The following IGSF3 variants were observed in gnomAD, a reference collection of about 807,000 sequenced individuals.
The protein encoded by IGSF3 is glu-Trp-Ile EWI motif-containing protein 3.
Under a neutral mutation model 114.4 loss-of-function variants are expected in IGSF3, and 23 were observed. That is an observed-to-expected ratio of 0.20 (90% confidence interval 0.14 to 0.28). IGSF3 has a LOEUF of 0.28. Ranked by LOEUF, IGSF3 falls within the 10% of genes least tolerant of loss-of-function variation. IGSF3 has a pLI of 1.00. For synonymous variants in IGSF3, 571 were observed against 645.2 expected (o/e 0.88, Z 1.74); for missense variants, 1,172 against 1,591.5 (o/e 0.74, Z 4.48).
At chr1:116,591,337 T>G (rs1660102290) in intron 7 of IGSF3, among the ~76,000 whole-genome samples, 1 of 152,142 alleles carries the variant, frequency 6.6e-6, no homozygotes, top group African/African-American at 2.4e-5. Context: ...ATCTGGTTCT[T>G]GGCCAAAAAA....
At chr1:116,604,225 A>G (rs1193507594) in intron 5 of IGSF3, among the ~76,000 whole-genome samples, 200 bp from the exon 6 acceptor site, 7 of 152,134 alleles carry the variant, frequency 4.6e-5, no homozygotes, top group Admixed American at 4.6e-4. Context: ...AGATCTGATA[A>G]TCTAGGATGT....
At chr1:116,581,867 C>T (rs1557854592) in intron 9 of IGSF3, among the ~76,000 whole-genome samples, 1 of 152,128 alleles carries the variant, frequency 6.6e-6, no homozygotes, top group Non-Finnish European at 1.5e-5. Flanking sequence ...CCAAGGGGAG[C>T]CCCCCACCCC....
intron 8 of IGSF3, among the ~76,000 whole-genome samples, chr1:116,586,057 C>A (rs1320392591): frequency 6.6e-6 from 1 of 152,100 alleles, no homozygotes; most frequent in Non-Finnish European, 1.5e-5. Flanking sequence ...TCTATCAGGA[C>A]CAGAGGTATC....
rs1659377925 is a variant in IGSF3, at chr1:116,577,106, A to G, written c.*206T>C. 1.7e-6 allele frequency: 1 copy of G among 583,166 alleles called. No homozygotes were observed. The highest frequency in any genetic ancestry group is 3.1e-5 in the Admixed American group (1 of 32,522). 36.1% of individuals were successfully genotyped at this position (583,166 alleles called of 1,614,324 possible). A position where few individuals can be genotyped will look rare whatever the true frequency, so the allele number is the denominator to read the frequency against. On this transcript the variant is annotated 3_prime_UTR_variant, in exon 11 of 11. Coordinates refer to ENST00000369486, the MANE Select transcript of IGSF3 (RefSeq NM_001007237.3). The surrounding 1 kb of genome is among the most constrained non-coding windows in gnomAD (Gnocchi z 5.7). ...AAATCTATAATGGCAGGATCACAAC[A>G]TTTGCGCGCAAATAGCTAACCAACC...
rs1295939334 is a variant in IGSF3, at chr1:116,656,037, T to C, written c.43+10247A>G. On this transcript the variant is annotated intron_variant, in intron 2 of 10. Transcript: ENST00000369486. Reference sequence around the variant, plus strand: ...CACAAATTACAGCTTCAACCAGCTATAAAATAACCAAATCAGTTCTGATAT... The same window carrying C: ...CACAAATTACAGCTTCAACCAGCTACAAAATAACCAAATCAGTTCTGATAT... 2.0e-5 allele frequency among the ~76,000 whole-genome samples: 3 copies of C among 152,226 alleles called. No individual in the cohort carries two copies. The East Asian group carries it at 5.8e-4, about 29-fold the overall frequency.
chr1:116,588,998 G>A lies in IGSF3; in HGVS notation c.2136C>T (p.His712=), dbSNP rs377691542. 1.2e-5 allele frequency: 20 copies of A among 1,614,108 alleles called. No individual in the cohort carries two copies. The African/African-American group carries it at 1.5e-4, about 12-fold the overall frequency. ...SVKSQTSQNS[H]FAVLWYVHKP... is the part of the protein sequence containing the mutation. ...TGTGGACATACCAGAGCACCGCAAAGTGGGAGTTCTGGCTAGTCTGAGACT... is the reference window on the plus strand; with the variant it reads ...TGTGGACATACCAGAGCACCGCAAAATGGGAGTTCTGGCTAGTCTGAGACT... Residue 712 remains histidine, a synonymous_variant, in exon 8 of 11, where the codon CAC becomes CAT. Coordinates refer to ENST00000369486, the MANE Select transcript of IGSF3 (RefSeq NM_001007237.3). The surrounding 1 kb of genome is among the most constrained non-coding windows in gnomAD (Gnocchi z 4.9).
At position 116,600,586 on chromosome 1, in the gene IGSF3, C is replaced by T. The variant is rs1660539950; in HGVS notation, c.1625-241G>A. Among the ~76,000 whole-genome samples the T allele has an allele frequency of 6.6e-6, 1 of 152,186 alleles. No homozygotes were observed. Among genetic ancestry groups the T allele is most frequent in the Non-Finnish European group, 1.5e-5 (1 of 68,028 alleles). On this transcript the variant is annotated intron_variant, in intron 6 of 10. Transcript: ENST00000369486. The surrounding 1 kb of genome is among the most constrained non-coding windows in gnomAD (Gnocchi z 5.5). ...CTGAGCAGCACTAGCCTAACCCTTC[C>T]CAGTGAGATCCTCGTGCATTTGCTC...
rs1197317172 is a variant in IGSF3, at chr1:116,624,010, C to A, written c.44-7553G>T. Among the ~76,000 whole-genome samples the A allele has an allele frequency of 6.6e-6, 1 of 150,426 alleles. No individual in the cohort carries two copies. The highest frequency in any genetic ancestry group is 1.5e-5 in the Non-Finnish European group (1 of 67,802). The stretch of plus-strand genomic sequence containing the variant: ...GCTGAGGCAGGAGAATCGCTTGAAC[C>A]CAGCAGGTGGAGGTTGCAGTGAGCC... On this transcript the variant is annotated intron_variant, in intron 2 of 10. Coordinates refer to ENST00000369486, the MANE Select transcript of IGSF3 (RefSeq NM_001007237.3). The surrounding 1 kb of genome is among the most constrained non-coding windows in gnomAD (Gnocchi z 4.9).
chr1:116,621,217 G>T (rs1661406117), intron 2 of IGSF3, among the ~76,000 whole-genome samples: 1 of 152,108 alleles, frequency 6.6e-6, no homozygotes, highest in Non-Finnish European at 1.5e-5. Flanking sequence ...TCCTGTGGTT[G>T]CCCCAGAAGC....
chr1:116,581,559 A>G (rs556370567), intron 9 of IGSF3, among the ~76,000 whole-genome samples: 1 of 152,026 alleles, frequency 6.6e-6, no homozygotes, highest in Non-Finnish European at 1.5e-5. Flanking sequence ...TGTCGCTCAC[A>G]GGTGAACATG....
chr1:116,603,063 T>C lies in IGSF3; in HGVS notation c.1624+561A>G, dbSNP rs1402697501. On this transcript the variant is annotated intron_variant, in intron 6 of 10. Transcript: ENST00000369486. This position sits in a 1 kb window ranked among gnomAD's most constrained non-coding sequence, Gnocchi z 7.1. ...AAAATGAAAGTGTCTGTCACTTGGCTAGGTGGGGATTCAATGGGACAACTA... is the reference window on the plus strand; with the variant it reads ...AAAATGAAAGTGTCTGTCACTTGGCCAGGTGGGGATTCAATGGGACAACTA... 1.3e-5 allele frequency among the ~76,000 whole-genome samples: 2 copies of C among 152,238 alleles called. No individual in the cohort carries two copies. Among genetic ancestry groups the C allele is most frequent in the African/African-American group, 4.8e-5 (2 of 41,454 alleles).
In IGSF3 at chr1:116,585,161, G is replaced by A; in HGVS notation, c.2441-109C>T. ...GCCTTCCAAATACAGAAGGACGGCAGCACACACTCCATTAGGAGAAACGTT... is the reference window on the plus strand; with the variant it reads ...GCCTTCCAAATACAGAAGGACGGCAACACACACTCCATTAGGAGAAACGTT... On this transcript the variant is annotated intron_variant, in intron 8 of 10. Transcript: ENST00000369486. This position sits in a 1 kb window ranked among gnomAD's most constrained non-coding sequence, Gnocchi z 4.9. 3 of 764,960 alleles carry A rather than the reference G, an allele frequency of 3.9e-6. No homozygotes were observed. The highest frequency in any genetic ancestry group is 2.7e-5 in the Admixed American group (1 of 36,932). The allele number at this position is 764,960 out of a possible 1,614,324, so 47.4% of individuals were successfully genotyped here.
rs974943289 is a variant in IGSF3 at position 116,636,145 on chromosome 1, G to A, written c.44-19688C>T. Among the ~76,000 whole-genome samples the A allele has an allele frequency of 6.6e-5, 10 of 152,154 alleles. No individual in the cohort carries two copies. Among genetic ancestry groups the A allele is most frequent in the African/African-American group, 2.4e-4 (10 of 41,434 alleles). ...AGGCCTTTGCCAGTCATCAAACAAA[G>A]CCTCTTGTCTCCTGAGAGCCGCTCC... On this transcript the variant is annotated intron_variant, in intron 2 of 10. Coordinates refer to ENST00000369486, the MANE Select transcript of IGSF3 (RefSeq NM_001007237.3). The surrounding 1 kb of genome is among the most constrained non-coding windows in gnomAD (Gnocchi z 4.5).
intron 2 of IGSF3, among the ~76,000 whole-genome samples, chr1:116,645,372 A>C (rs1375092476): frequency 6.6e-6 from 1 of 152,228 alleles, no homozygotes; most frequent in Non-Finnish European, 1.5e-5. Flanking sequence ...GGCTGGTAGC[A>C]AGAAGGCACA....
rs1648777223 is a variant in IGSF3 at position 116,654,761 on chromosome 1, C to T, written c.43+11523G>A. The stretch of plus-strand genomic sequence containing the variant: ...GAGCTAGGTGTGAAATTCCCAATTC[C>T]CACACACAAGCAACATCCCCAGCAG... On this transcript the variant is annotated intron_variant, in intron 2 of 10. Transcript: ENST00000369486. This position sits in a 1 kb window ranked among gnomAD's most constrained non-coding sequence, Gnocchi z 4.4. Among the ~76,000 whole-genome samples, 1 of 152,148 alleles carries T rather than the reference C, an allele frequency of 6.6e-6. No homozygotes were observed. The highest frequency in any genetic ancestry group is 6.5e-5 in the Admixed American group (1 of 15,282).
chr1:116,626,220 T>C (rs1647259521), intron 2 of IGSF3, among the ~76,000 whole-genome samples: 1 of 152,108 alleles, frequency 6.6e-6, no homozygotes, highest in Non-Finnish European at 1.5e-5. Context: ...AGATTAGCAC[T>C]ACTGTGATTT....
Position 116,607,597 on chromosome 1 carries a change from C to G in IGSF3, c.1222+345G>C, listed in dbSNP as rs912083723. 6.6e-6 allele frequency among the ~76,000 whole-genome samples: 1 copy of G among 152,212 alleles called. No individual in the cohort carries two copies. Among genetic ancestry groups the G allele is most frequent in the Non-Finnish European group, 1.5e-5 (1 of 68,036 alleles). On this transcript the variant is annotated intron_variant, in intron 5 of 10. Coordinates refer to ENST00000369486, the MANE Select transcript of IGSF3 (RefSeq NM_001007237.3). This position sits in a 1 kb window ranked among gnomAD's most constrained non-coding sequence, Gnocchi z 6.1. ...CTTCTTCTGGGACTTGATTCCCACA[C>G]AAGAGCAAACAGCTTTCTGGGATTC...
At position 116,666,659 on chromosome 1, in the gene IGSF3, G is replaced by C; in HGVS notation, c.-333C>G. On this transcript the variant is annotated 5_prime_UTR_variant, in exon 2 of 11. Coordinates refer to ENST00000369486, the MANE Select transcript of IGSF3 (RefSeq NM_001007237.3). ...AATCCTCCAGAAGCACGGAAAAAAG[G>C]GTCTGAGAAAATCCTTTCATCCACT... 1.8e-6 allele frequency: 1 copy of C among 558,098 alleles called. No homozygotes were observed. The highest frequency in any genetic ancestry group is 3.1e-6 in the Non-Finnish European group (1 of 318,144). The allele number at this position is 558,098 out of a possible 1,614,324, so 34.6% of individuals were successfully genotyped here.
In IGSF3 at chr1:116,642,237, G is replaced by GA. The variant is rs3831861; in HGVS notation, c.43+24046dup. On this transcript the variant is annotated intron_variant, in intron 2 of 10. Transcript: ENST00000369486. The surrounding 1 kb of genome is among the most constrained non-coding windows in gnomAD (Gnocchi z 5.4). ...CATGTGCATGGATTACCTCTTATTA[G>GA]AAAAAAAAACACGAAATTTTTTGGT... is the stretch of plus-strand genomic sequence containing the variant. 6.7e-5 allele frequency among the ~76,000 whole-genome samples: 10 copies of GA among 149,488 alleles called. No individual in the cohort carries two copies. The highest frequency in any genetic ancestry group is 2.1e-4 in the South Asian group (1 of 4,732).
Sources: gnomAD v4.1 joint callset for allele counts (sites outside exome capture counted in the v4.1 genomes callset) on GRCh38, gnomAD v4.1.1 for gene constraint, Gnocchi (gnomAD v3.1) non-coding constraint, MANE v1.5 for transcripts, NCBI Gene and HGNC (gene_info 2026-07-23, HGNC 2026-07-21) for gene names.